Variants in HLA-DQB1 observed in about 807,000 individuals in gnomAD.
The protein encoded by HLA-DQB1 is HLA class II histocompatibility antigen, DQ beta 1 chain.
HLA-DQB1 carries 13 observed loss-of-function variants against 26.4 expected under a neutral mutation model. That is an observed-to-expected ratio of 0.49 (90% confidence interval 0.32 to 0.78). The LOEUF (loss-of-function observed/expected upper bound fraction) is 0.78, where lower values mean the gene tolerates loss of function less well. HLA-DQB1 is among the 30% of genes least tolerant of loss of function. The pLI is 0.03. For synonymous variants in HLA-DQB1, 60 were observed against 129.1 expected, an observed-to-expected ratio of 0.46 and a Z score of 3.63; for missense variants, 158 against 326.2, an observed-to-expected ratio of 0.48 and a Z score of 3.97.
intron 1 of HLA-DQB1, among the ~76,000 whole-genome samples, chr6:32,665,714 T>C (rs9274466): frequency 0.36 from 38,756 of 108,498 alleles, 9,007 homozygotes; most frequent in Middle Eastern, 0.49. Context: ...GTCACCAGTT[T>C]GGGCAGGTTA....
chr6:32,661,964 T>C lies in HLA-DQB1; in HGVS notation c.661+3A>G. The C allele has an allele frequency of 6.5e-7, 1 of 1,535,026 alleles. No individual in the cohort carries two copies. The highest frequency in any genetic ancestry group is 8.8e-7 in the Non-Finnish European group (1 of 1,130,968). On this transcript the variant is annotated splice_donor_region_variant and intron_variant, in intron 3 of 4. Transcript: ENST00000434651. ...TAGTAACAGAAACTCAATATCCCCT[T>C]ACGCCACTCCACGGTGATGGGGCTC...
exon 1 of HLA-DQB1, chr6:32,666,522 A>ACCG (rs749944694): frequency 8.8e-6 from 10 of 1,131,190 alleles, no homozygotes; most frequent in East Asian, 2.7e-5. Context: ...GCCCTCAGCC[A>ACCG]GTAGGGAGCT....
intron 4 of HLA-DQB1, chr6:32,660,880 G>C: frequency 6.6e-7 from 1 of 1,519,708 alleles, no homozygotes; most frequent in Non-Finnish European, 8.9e-7. Context: ...GGCCCTTGAG[G>C]TCTTACAAAA....
chr6:32,662,055 C>T, exon 3 of HLA-DQB1: 1 of 1,519,216 alleles, frequency 6.6e-7, no homozygotes, highest in Non-Finnish European at 9.0e-7. Flanking sequence ...TTTCCAGCAT[C>T]ACCAGGATCT....
At chr6:32,660,295 G>A (rs780881887) in intron 4 of HLA-DQB1, 46 bp from the exon 5 acceptor site, 2 of 977,946 alleles carry the variant, frequency 2.0e-6, no homozygotes, top group East Asian at 3.4e-5. Context: ...TATCCTGGTG[G>A]GCCTGCCATC....
At chr6:32,665,478 G>T (rs281861701) in intron 1 of HLA-DQB1, among the ~76,000 whole-genome samples, 1 of 112,936 alleles carries the variant, frequency 8.9e-6, no homozygotes, top group Non-Finnish European at 2.0e-5. Flanking sequence ...GACGAGATAG[G>T]TCCAGGAATT....
At chr6:32,663,023 AT>A (rs1467695207) in intron 2 of HLA-DQB1, 1 of 146,350 alleles carries the variant, frequency 6.8e-6, no homozygotes, top group Non-Finnish European at 1.5e-5. Flanking sequence ...TATAACTGGG[AT>A]TTGCTGAGGT....
At chr6:32,660,457 G>A (rs281864437) in intron 4 of HLA-DQB1, 3 of 323,600 alleles carry the variant, frequency 9.3e-6, no homozygotes, top group Admixed American at 1.3e-4. Flanking sequence ...TGGGAGGTGG[G>A]GAACAGCTGT....
At chr6:32,666,202 A>C (rs281861102) in intron 1 of HLA-DQB1, among the ~76,000 whole-genome samples, 35 of 151,364 alleles carry the variant, frequency 2.3e-4, no homozygotes, top group Non-Finnish European at 4.3e-4. Context: ...TCATATCTTC[A>C]AAAATAACCC....
intron 4 of HLA-DQB1, chr6:32,660,831 C>T (rs1448178371): frequency 2.2e-6 from 3 of 1,337,594 alleles, no homozygotes; most frequent in Admixed American, 2.1e-5. Context: ...CTGTGCCTCC[C>T]CACACTGGAT....
At chr6:32,660,447 T>A (rs41270871) in intron 4 of HLA-DQB1, 198 bp from the exon 5 acceptor site, 68,795 of 329,314 alleles carry the variant, frequency 0.21, 12,479 homozygotes, top group Middle Eastern at 0.33. Flanking sequence ...TGCAGATGTG[T>A]GGGAGGTGGG....
At chr6:32,663,910 CT>C (rs1783542165) in intron 2 of HLA-DQB1, 4 of 49,514 alleles carry the variant, frequency 8.1e-5, no homozygotes, top group Non-Finnish European at 1.4e-4. Context: ...GAAATTAAAA[CT>C]CTGCCTTACA....
Position 32,664,902 on chromosome 6 carries a change from T to A in HLA-DQB1, c.275A>T (p.Tyr92Phe). The A allele has an allele frequency of 1.5e-6, 2 of 1,369,462 alleles. 1 individual carries two copies. The highest frequency in any genetic ancestry group is 2.1e-6 in the Non-Finnish European group (2 of 972,938). The allele number at this position is 1,369,462 out of a possible 1,614,324, so 84.8% of individuals were successfully genotyped here. ...CAGGACTTCCTTCTGGCTGTTCCAG[T>A]ACTCGGCATCAGGCCGCCCCTGCGG... Residue 92 changes from tyrosine to phenylalanine, a missense_variant, in exon 2 of 5, where the codon TAC (tyrosine) becomes TTC (phenylalanine). Transcript: ENST00000434651.
In HLA-DQB1 at chr6:32,662,598, C is replaced by G. The variant is rs9274173; in HGVS notation, c.380-350G>C. 2 of 60,050 alleles carry G rather than the reference C, an allele frequency of 3.3e-5. 1 individual carries two copies. Among genetic ancestry groups the G allele is most frequent in the African/African-American group, 1.2e-4 (2 of 17,006 alleles). 3.7% of individuals were successfully genotyped at this position (60,050 alleles called of 1,614,324 possible). On this transcript the variant is annotated intron_variant, in intron 2 of 4. Transcript: ENST00000434651. ...TAGGCAGGCCTTCAAAACAAATAAC[C>G]CTTGATCAAACATCATGTTTGTCCA...
In HLA-DQB1 at chr6:32,660,682, G is replaced by T; in HGVS notation, c.773-433C>A. 6.8e-6 allele frequency: 3 copies of T among 441,228 alleles called. 1 individual carries two copies. The South Asian group carries it at 8.2e-5, about 12-fold the overall frequency. The allele number at this position is 441,228 out of a possible 1,614,324, so 27.3% of individuals were successfully genotyped here. A position where few individuals can be genotyped will look rare whatever the true frequency, so the allele number is the denominator to read the frequency against. On this transcript the variant is annotated intron_variant, in intron 4 of 4. Transcript: ENST00000434651. ...AAGATGCCACCAAAGTTAAGGCTTGGTTCTGGGGAACAATGTCTGGAGATT... is the reference window on the plus strand; with the variant it reads ...AAGATGCCACCAAAGTTAAGGCTTGTTTCTGGGGAACAATGTCTGGAGATT...
At chr6:32,664,850 C>A in exon 2 of HLA-DQB1, 1 of 1,055,492 alleles carries the variant, frequency 9.5e-7, no homozygotes. Context: ...GTCTGCACAC[C>A]GTGTCCAACT....
chr6:32,665,264 T>C (rs9274428), intron 1 of HLA-DQB1, among the ~76,000 whole-genome samples, 197 bp from the exon 2 acceptor site: 87,449 of 119,180 alleles, frequency 0.73, 33,886 homozygotes, highest in Middle Eastern at 0.84. Context: ...TTCTGGAATC[T>C]GCCTTCCTAC....
chr6:32,665,188 C>T (rs117898330), intron 1 of HLA-DQB1, 121 bp from the exon 2 acceptor site: 16,466 of 580,382 alleles, frequency 0.028, 2,973 homozygotes, highest in South Asian at 0.21. Context: ...CCCGCCCGTG[C>T]CTGGCGCTCC....
exon 1 of HLA-DQB1, chr6:32,666,637 T>A: frequency 1.2e-6 from 1 of 829,426 alleles, no homozygotes. Context: ...GCAGTGGTAG[T>A]CAACACAGCT....
Sources: gnomAD v4.1 joint callset for allele counts (sites outside exome capture counted in the v4.1 genomes callset) on GRCh38, gnomAD v4.1.1 for gene constraint, MANE v1.5 for transcripts, NCBI Gene and HGNC (gene_info 2026-07-23, HGNC 2026-07-21) for gene names.